PES1: variants seen among roughly 807,000 people sequenced by gnomAD.
PES1 encodes the protein pescadillo homolog.
Under a neutral mutation model 77.1 loss-of-function variants are expected in PES1, and 31 were observed. The ratio of observed to expected loss-of-function variants is 0.40; its 90% confidence interval spans 0.30 to 0.54. PES1 has a LOEUF of 0.54. Among genes scored for constraint, PES1 ranks in the 20% least tolerant of loss-of-function variants. The pLI is 0.45. For synonymous variants in PES1, 282 were observed against 303.0 expected (o/e 0.93, Z 0.72); for missense variants, 658 against 771.7 (o/e 0.85, Z 1.75).
chr22:30,577,206 T>G (rs1460076508), intron 14 of PES1, 77 bp from the exon 15 acceptor site: 2 of 1,221,474 alleles, frequency 1.6e-6, no homozygotes, highest in African/African-American at 3.0e-5. Context: ...CAAAGCTATA[T>G]CCCTTAAAAG....
chr22:30,579,426 G>A, intron 12 of PES1, 123 bp from the exon 13 acceptor site: 1 of 1,490,792 alleles, frequency 6.7e-7, no homozygotes, highest in Non-Finnish European at 9.0e-7. Context: ...GTTCAGGGAT[G>A]TCCCAATTGT....
chr22:30,604,359 G>A lies in PES1; in HGVS notation c.-661+1102C>T, dbSNP rs190750807. On this transcript the variant is annotated intron_variant, in intron 2 of 16. Coordinates refer to the PES1 transcript ENST00000402281. Reference sequence around the variant, plus strand: ...TAGAAATGTTTCCTGTTGGCCAGGCGCGCTGGCTCATGCCTGTAATCCCAA... The same window carrying A: ...TAGAAATGTTTCCTGTTGGCCAGGCACGCTGGCTCATGCCTGTAATCCCAA... Among the ~76,000 whole-genome samples the A allele has an allele frequency of 5.9e-3, 901 of 152,258 alleles. 7 individuals carry two copies. Among genetic ancestry groups the A allele is most frequent in the South Asian group, 0.026 (127 of 4,828 alleles).
chr22:30,592,320 G>C (rs537648340), upstream of PES1: 3 of 990,760 alleles, frequency 3.0e-6, no homozygotes, highest in Admixed American at 1.2e-4. Flanking sequence ...GCTGAGAAGC[G>C]GTTCCCGAGG....
intron 2 of PES1, among the ~76,000 whole-genome samples, chr22:30,600,161 C>T (rs753207771): frequency 4.6e-5 from 7 of 151,860 alleles, no homozygotes; most frequent in Non-Finnish European, 8.8e-5. Flanking sequence ...GTGAAAACCC[C>T]ATCTCTACTA....
chr22:30,606,678 A>ACCC (rs1569035886), intron 1 of PES1: 1 of 54,004 alleles, frequency 1.9e-5, no homozygotes, highest in African/African-American at 8.8e-5. Flanking sequence ...CAATTGCCCA[A>ACCC]CTCCCCCCCC....
intron 14 of PES1, among the ~76,000 whole-genome samples, chr22:30,577,526 G>T (rs1427856026): frequency 6.6e-6 from 1 of 152,120 alleles, no homozygotes; most frequent in Non-Finnish European, 1.5e-5. Context: ...AAAGGGACAG[G>T]GTCTTTCTCT....
At chr22:30,579,397 C>A in intron 12 of PES1, 94 bp from the exon 13 acceptor site, 1 of 1,572,400 alleles carries the variant, frequency 6.4e-7, no homozygotes, top group Non-Finnish European at 8.6e-7. Context: ...TCTGACCCTG[C>A]CGTCTTTAGC....
chr22:30,579,690 C>T (rs2146458465), intron 12 of PES1, 61 bp downstream of exon 12: 2 of 1,516,694 alleles, frequency 1.3e-6, no homozygotes, highest in Admixed American at 3.5e-5. Context: ...ACCTTGGCAG[C>T]TAAGGGAAAC....
intron 2 of PES1, among the ~76,000 whole-genome samples, chr22:30,588,977 C>A (rs2087135740): frequency 6.6e-6 from 1 of 152,164 alleles, no homozygotes; most frequent in South Asian, 2.1e-4. Context: ...CCATCCCAGC[C>A]CAGCTAGCCC....
Position 30,589,148 on chromosome 22 carries a change from T to A in PES1, c.104+43A>T, listed in dbSNP as rs762741563. The A allele has an allele frequency of 4.8e-6, 7 of 1,462,912 alleles. No individual in the cohort carries two copies. In the South Asian group the frequency reaches 8.2e-5, roughly 17 times the overall value. 90.6% of individuals were successfully genotyped at this position (1,462,912 alleles called of 1,614,324 possible). A position where few individuals can be genotyped will look rare whatever the true frequency, so the allele number is the denominator to read the frequency against. On this transcript the variant is annotated intron_variant, in intron 2 of 14. Transcript: ENST00000354694. ...CAGGGATGCAGCTGAGTTTTCAATG[T>A]GCAATTCACTGCCCGGGCTTCCCAC... is the stretch of plus-strand genomic sequence containing the variant.
At chr22:30,597,832 A>C (rs1005088747) in intron 2 of PES1, among the ~76,000 whole-genome samples, 2 of 150,242 alleles carry the variant, frequency 1.3e-5, no homozygotes, top group Admixed American at 6.6e-5. Flanking sequence ...AGGCTGCCCG[A>C]CTCAGCTGTG....
chr22:30,598,885 A>ATTTTTTTTTTTTTTTTT lies in PES1; in HGVS notation c.-660-6504_-660-6488dup, dbSNP rs71200084. On this transcript the variant is annotated intron_variant, in intron 2 of 16. Transcript: ENST00000402281. ...TTCAAGTTTATGTGACTTAAGTAAAATTTTTTTTTTTTTTTTTTTTTTTTT... is the reference window on the plus strand; with the variant it reads ...TTCAAGTTTATGTGACTTAAGTAAAATTTTTTTTTTTTTTTTTTTTTTTTTTTTTTTTTTTTTTTTTT... 3.2e-3 allele frequency among the ~76,000 whole-genome samples: 165 copies of ATTTTTTTTTTTTTTTTT among 51,220 alleles called. 44 individuals are homozygous for ATTTTTTTTTTTTTTTTT. Among genetic ancestry groups the ATTTTTTTTTTTTTTTTT allele is most frequent in the East Asian group, 5.9e-3 (8 of 1,346 alleles). The allele number at this position is 51,220 out of a possible 152,430, so 33.6% of individuals were successfully genotyped here. A position where few individuals can be genotyped will look rare whatever the true frequency, so the allele number is the denominator to read the frequency against.
chr22:30,605,117 C>G (rs1323595907), intron 2 of PES1, among the ~76,000 whole-genome samples: 1 of 152,084 alleles, frequency 6.6e-6, no homozygotes, highest in Non-Finnish European at 1.5e-5. Flanking sequence ...CTTGTAGCCT[C>G]TAGATTAGCT....
At chr22:30,598,075 G>A (rs1353398835) in intron 2 of PES1, among the ~76,000 whole-genome samples, 6 of 151,778 alleles carry the variant, frequency 4.0e-5, no homozygotes, top group Admixed American at 1.3e-4. Context: ...AGTAGAGACG[G>A]GGTTTCACCG....
At chr22:30,577,777 T>C (rs2086924870) in intron 14 of PES1, among the ~76,000 whole-genome samples, 1 of 152,168 alleles carries the variant, frequency 6.6e-6, no homozygotes. Flanking sequence ...ATTACAGGCG[T>C]GAGCCACCAT....
chr22:30,577,603 C>A (rs1385325236), intron 14 of PES1, among the ~76,000 whole-genome samples: 1 of 152,206 alleles, frequency 6.6e-6, no homozygotes, highest in African/African-American at 2.4e-5. Flanking sequence ...CCTCCCACTT[C>A]AGCCTCCGGA....
chr22:30,586,528 A>T (rs955433739), intron 4 of PES1, among the ~76,000 whole-genome samples: 2 of 152,144 alleles, frequency 1.3e-5, no homozygotes, highest in Non-Finnish European at 2.9e-5. Flanking sequence ...GTTGTGGGGG[A>T]CTACTATAGC....
chr22:30,600,568 G>A (rs1446128794), intron 2 of PES1, among the ~76,000 whole-genome samples: 1 of 152,152 alleles, frequency 6.6e-6, no homozygotes, highest in Non-Finnish European at 1.5e-5. Flanking sequence ...TGTAATCCCA[G>A]CACTTTGGGA....
chr22:30,579,090 A>G, intron 13 of PES1, 47 bp downstream of exon 13: 1 of 1,605,174 alleles, frequency 6.2e-7, no homozygotes, highest in Non-Finnish European at 8.5e-7. Flanking sequence ...GCAGGCACCA[A>G]GCAGGGCTGC....
Sources: allele counts gnomAD v4.1 joint callset (sites outside exome capture counted in the v4.1 genomes callset), GRCh38; gene constraint gnomAD v4.1.1; transcripts MANE v1.5; gene names NCBI Gene and HGNC (gene_info 2026-07-23, HGNC 2026-07-21).